TENM1: variants seen among roughly 807,000 people sequenced by gnomAD.
The protein encoded by TENM1 is teneurin-1.
In TENM1, 35 loss-of-function variants were observed where a neutral mutation model predicts 174.8. That is an observed-to-expected ratio of 0.20 (90% confidence interval 0.15 to 0.27). TENM1 has a LOEUF of 0.27. TENM1 is among the 10% of genes least tolerant of loss of function. TENM1 has a pLI of 1.00. For synonymous variants in TENM1, 781 were observed against 798.7 expected (o/e 0.98, Z 0.37); for missense variants, 1,633 against 2,130.1 (o/e 0.77, Z 4.59).
chrX:124,755,448 C>G (rs1410068162), intron 3 of TENM1, among the ~76,000 whole-genome samples: 5 of 110,895 alleles, frequency 4.5e-5, no homozygotes, highest in Non-Finnish European at 7.5e-5. Context: ...ATCCAATTTG[C>G]CAGTCTGTGT....
chrX:124,672,333 G>A (rs976233458), intron 5 of TENM1, among the ~76,000 whole-genome samples: 7 of 111,469 alleles, frequency 6.3e-5, no homozygotes. Flanking sequence ...TTAAAATGTA[G>A]ATGCTTATTA....
At chrX:124,588,738 C>T (rs954410245) in intron 11 of TENM1, among the ~76,000 whole-genome samples, 157 of 111,630 alleles carry the variant, frequency 1.4e-3, no homozygotes, top group Non-Finnish European at 2.6e-3. Context: ...TATTTTTGTA[C>T]ATTGATCTGT....
intron 13 of TENM1, among the ~76,000 whole-genome samples, chrX:124,562,611 A>C (rs1201661317): frequency 1.8e-5 from 2 of 112,993 alleles, no homozygotes; most frequent in Non-Finnish European, 3.7e-5. Flanking sequence ...TAAAGCATTA[A>C]CACTGACAAT....
At chrX:125,139,139 C>G in the TENM1 span, among the ~76,000 whole-genome samples, 1 of 111,683 alleles carries the variant, frequency 9.0e-6, no homozygotes. Flanking sequence ...TGGTCCTTGC[C>G]TGCTCAGAGC....
chrX:124,833,618 A>G (rs2056333874), intron 3 of TENM1, among the ~76,000 whole-genome samples: 1 of 111,101 alleles, frequency 9.0e-6, no homozygotes, highest in South Asian at 3.9e-4. Flanking sequence ...TTCTCCTCCT[A>G]TTTCTAAACC....
At chrX:124,807,212 A>C (rs139228326) in intron 3 of TENM1, among the ~76,000 whole-genome samples, 24 of 111,967 alleles carry the variant, frequency 2.1e-4, no homozygotes, top group African/African-American at 7.8e-4. Context: ...AATACCTTCC[A>C]CCAGGCCCCA....
chrX:124,723,797 C>T (rs189135462), intron 4 of TENM1, among the ~76,000 whole-genome samples: 185 of 109,805 alleles, frequency 1.7e-3, no homozygotes, highest in African/African-American at 5.5e-3. Context: ...GACGGGGTTT[C>T]ACCATATTGG....
chrX:125,157,192 T>C, the TENM1 span, among the ~76,000 whole-genome samples: 1 of 112,410 alleles, frequency 8.9e-6, no homozygotes, highest in Non-Finnish European at 1.9e-5. Flanking sequence ...GATCTTAATA[T>C]GCAGCCAGAG....
exon 17 of TENM1, chrX:124,523,432 G>A (rs771443371): frequency 8.3e-7 from 1 of 1,211,593 alleles, no homozygotes; most frequent in South Asian, 1.8e-5. Flanking sequence ...GGTGAAGGAA[G>A]CACAATAGGG....
At chrX:124,535,992 T>C (rs776767066) in intron 15 of TENM1, among the ~76,000 whole-genome samples, 5 of 111,839 alleles carry the variant, frequency 4.5e-5, no homozygotes, top group African/African-American at 1.6e-4. Context: ...TTTTAGGGAA[T>C]TAAACAGTAC....
intron 22 of TENM1, 23 bp downstream of exon 25, chrX:124,481,709 A>ATATATATATATATATATT (rs766603058): frequency 1.0e-5 from 4 of 401,118 alleles, no homozygotes; most frequent in Non-Finnish European, 1.6e-5. Flanking sequence ...ATATATATAT[A>ATATATATATATATATATT]TATTTATTTA....
the TENM1 span, among the ~76,000 whole-genome samples, chrX:125,100,682 T>C: frequency 6.2e-5 from 7 of 112,090 alleles, no homozygotes; most frequent in Non-Finnish European, 1.1e-4. Flanking sequence ...GCTTTCGTTC[T>C]TAAAAGTCTA....
intron 1 of TENM1, among the ~76,000 whole-genome samples, chrX:124,933,411 C>G (rs919381139): frequency 8.9e-6 from 1 of 112,034 alleles, no homozygotes. Context: ...ATAAATAAAT[C>G]CAAAGATTTA....
the TENM1 span, among the ~76,000 whole-genome samples, chrX:124,976,071 A>G: frequency 1.8e-5 from 2 of 111,317 alleles, no homozygotes; most frequent in South Asian, 7.4e-4. Flanking sequence ...GGTATAGGTT[A>G]AAGTTGTCAG....
chrX:124,984,298 C>T, the TENM1 span, among the ~76,000 whole-genome samples: 1 of 111,935 alleles, frequency 8.9e-6, no homozygotes, highest in Non-Finnish European at 1.9e-5. Flanking sequence ...ATCCTTTTCT[C>T]TCATGTCTTT....
exon 32 of TENM1, chrX:124,377,017 G>T (rs1163652613): frequency 1.8e-5 from 2 of 109,782 alleles, no homozygotes; most frequent in Non-Finnish European, 3.8e-5. Flanking sequence ...TATTACCAAT[G>T]AACTCCATTA....
intron 3 of TENM1, among the ~76,000 whole-genome samples, chrX:124,832,468 C>T (rs1041907553): frequency 2.7e-5 from 3 of 112,326 alleles, no homozygotes; most frequent in Non-Finnish European, 5.6e-5. Flanking sequence ...CTGTAATTCA[C>T]TTGCTGTCTG....
chrX:124,663,531 T>C (rs1168195220), intron 6 of TENM1, among the ~76,000 whole-genome samples: 1 of 112,267 alleles, frequency 8.9e-6, no homozygotes, highest in Non-Finnish European at 1.9e-5. Context: ...AATATACACA[T>C]GGCTGATAAA....
intron 28 of TENM1, 89 bp from the exon 32 acceptor site, chrX:124,386,153 A>G: frequency 1.1e-6 from 1 of 897,564 alleles, no homozygotes; most frequent in Non-Finnish European, 1.5e-6. Flanking sequence ...TTCAACACAA[A>G]TCAATCAAGC....
Sources: gnomAD v4.1 joint callset for allele counts (sites outside exome capture counted in the v4.1 genomes callset) on GRCh38, gnomAD v4.1.1 for gene constraint, MANE v1.5 for transcripts, NCBI Gene and HGNC (gene_info 2026-07-23, HGNC 2026-07-21) for gene names.